The following GRIN2A variants were observed in gnomAD, a reference collection of about 807,000 sequenced individuals.
The protein encoded by GRIN2A is glutamate receptor ionotropic, NMDA 2A.
In GRIN2A, 22 loss-of-function variants were observed where a neutral mutation model predicts 113.4. The ratio of observed to expected loss-of-function variants is 0.19; its 90% CI spans 0.14 to 0.28. The LOEUF is 0.28. Ranked by LOEUF, GRIN2A falls within the 10% of genes least tolerant of loss-of-function variation. GRIN2A has a pLI of 1.00. For synonymous variants in GRIN2A, 827 were observed against 738.4 expected (o/e 1.12, Z -1.94); for missense variants, 1,502 against 1,887.0 (o/e 0.80, Z 3.78).
chr16:10,089,417 C>T (rs2048143471), intron 2 of GRIN2A, among the ~76,000 whole-genome samples: 1 of 152,034 alleles, frequency 6.6e-6, no homozygotes. Context: ...AAAATAAGCA[C>T]AACAATGAAT....
At position 10,118,870 on chromosome 16, in the gene GRIN2A, C is replaced by T. The variant is rs1407849075; in HGVS notation, c.414+61128G>A. Among the ~76,000 whole-genome samples, 3 of 152,166 alleles carry T rather than the reference C, an allele frequency of 2.0e-5. No homozygotes were observed. In the East Asian group the frequency reaches 5.8e-4, roughly 29 times the overall value. On this transcript the variant is annotated intron_variant, in intron 2 of 12. Transcript: ENST00000330684. ...GGAAATCATCAGTAGTCCAATTGTC[C>T]TTTCTAATGGAAGATCAGCATAAAC...
At chr16:9,818,809 T>C (rs1035510077) in intron 10 of GRIN2A, among the ~76,000 whole-genome samples, 1 of 152,206 alleles carries the variant, frequency 6.6e-6, no homozygotes, top group African/African-American at 2.4e-5. Flanking sequence ...GGGGTAAGTA[T>C]GAATTTCCTT....
At chr16:9,847,779 G>A (rs180693691) in intron 5 of GRIN2A, among the ~76,000 whole-genome samples, 1,704 of 147,840 alleles carry the variant, frequency 0.012, 15 homozygotes, top group Admixed American at 0.017. Context: ...AAAAACATAC[G>A]TTTTATACAT....
chr16:9,828,325 C>A (rs1042032443), intron 9 of GRIN2A, among the ~76,000 whole-genome samples: 3 of 152,132 alleles, frequency 2.0e-5, no homozygotes, highest in Non-Finnish European at 4.4e-5. Context: ...CACTCTCATG[C>A]CTTTGTGGAA....
chr16:10,130,354 G>A (rs1002499337), intron 2 of GRIN2A, among the ~76,000 whole-genome samples: 1 of 152,224 alleles, frequency 6.6e-6, no homozygotes, highest in African/African-American at 2.4e-5. Flanking sequence ...CCACTCTTGT[G>A]AAGGCTACTT....
intron 10 of GRIN2A, among the ~76,000 whole-genome samples, chr16:9,806,356 A>G (rs757859827): frequency 6.6e-6 from 1 of 152,226 alleles, no homozygotes; most frequent in Non-Finnish European, 1.5e-5. Flanking sequence ...TGAGTCATCT[A>G]TGGATTTTTA....
intron 2 of GRIN2A, among the ~76,000 whole-genome samples, chr16:10,086,605 CAAAA>C (rs3033377): frequency 0.053 from 5,278 of 99,606 alleles, 330 homozygotes; most frequent in African/African-American, 0.2. Context: ...GGAGCAGCTC[CAAAA>C]AAAAAAAAAA....
At position 9,822,289 on chromosome 16, in the gene GRIN2A, C is replaced by A. The variant is rs2141294661; in HGVS notation, c.2143G>T (p.Asp715Tyr). 6.2e-7 allele frequency: 1 copy of A among 1,613,634 alleles called. No homozygotes were observed. Among genetic ancestry groups the A allele is most frequent in the Non-Finnish European group, 8.5e-7 (1 of 1,179,604 alleles). The stretch of plus-strand genomic sequence containing the variant: ...CCCGTTTTCAGGCTGACCAAGGCGT[C>A]CTCTACTCCTTTCTGATTAAATTTG... Reference protein sequence around the residue: ...MTKFNQKGVEDALVSLKTGKL... With the variant: ...MTKFNQKGVEYALVSLKTGKL... Residue 715 changes from aspartate (D) to tyrosine (Y), a missense_variant, in exon 10 of 13, where the codon GAC becomes TAC. Coordinates refer to ENST00000330684, the MANE Select transcript of GRIN2A (RefSeq NM_001134407.3).
chr16:9,948,366 T>C (rs1224201467), intron 2 of GRIN2A, among the ~76,000 whole-genome samples: 1 of 152,174 alleles, frequency 6.6e-6, no homozygotes, highest in African/African-American at 2.4e-5. Flanking sequence ...GGCTGGGGCA[T>C]TGCAAGCAAG....
Position 10,126,798 on chromosome 16 carries a change from C to T in GRIN2A, c.414+53200G>A, listed in dbSNP as rs192862803. On this transcript the variant is annotated intron_variant, in intron 2 of 12. Coordinates refer to ENST00000330684, the MANE Select transcript of GRIN2A (RefSeq NM_001134407.3). ...TGTCTTTGAAATATGGTTTCTAGAA[C>T]GTCTGTGAGTCACCTGCTCACATGT... 7.7e-4 allele frequency among the ~76,000 whole-genome samples: 117 copies of T among 152,276 alleles called. 1 individual carries two copies. The highest frequency in any genetic ancestry group is 2.1e-4 in the South Asian group (1 of 4,822).
intron 2 of GRIN2A, among the ~76,000 whole-genome samples, chr16:10,141,108 C>T (rs577839952): frequency 6.6e-6 from 1 of 150,904 alleles, no homozygotes; most frequent in African/African-American, 2.4e-5. Context: ...GTGGGAGGAT[C>T]GCTTGAACCC....
intron 2 of GRIN2A, among the ~76,000 whole-genome samples, chr16:10,081,375 T>G (rs1204515304): frequency 1.3e-5 from 2 of 152,200 alleles, no homozygotes; most frequent in Admixed American, 1.3e-4. Flanking sequence ...TCCTTACATA[T>G]GCCCCCAGAA....
rs906477123 is a variant in GRIN2A, at chr16:10,096,986, G to A, written c.414+83012C>T. Among the ~76,000 whole-genome samples the A allele has an allele frequency of 3.3e-5, 5 of 152,170 alleles. No individual in the cohort carries two copies. The East Asian group carries it at 9.6e-4, about 29-fold the overall frequency. ...GGGTGTTAGCTGTGATAATTTTTAG[G>A]TGGTACAAGGAGACTGAATTAAATA... On this transcript the variant is annotated intron_variant, in intron 2 of 12. Coordinates refer to ENST00000330684, the MANE Select transcript of GRIN2A (RefSeq NM_001134407.3).
At chr16:9,896,923 A>G (rs1003935223) in intron 3 of GRIN2A, among the ~76,000 whole-genome samples, 7 of 152,238 alleles carry the variant, frequency 4.6e-5, no homozygotes, top group Non-Finnish European at 1.0e-4. Flanking sequence ...TGTATTAAAC[A>G]GTAAAATCTT....
Position 9,764,812 on chromosome 16 carries a change from T to C in GRIN2A, c.2732A>G (p.Asn911Ser). 1 of 1,614,038 alleles carries C rather than the reference T, an allele frequency of 6.2e-7. No individual in the cohort carries two copies. The highest frequency in any genetic ancestry group is 2.2e-5 in the East Asian group (1 of 44,868). ...AKNISSMSNM[N>S]SSRMDSPKRA... ...TTTGGGTGAGTCCATTCTTGAGGAG[T>C]TCATGTTGGACATGCTGGAAATGTT... Residue 911 changes from asparagine to serine, a missense_variant, in exon 13 of 13, where the codon AAC becomes AGC. Asn to Ser is a conservative substitution (Grantham distance 46). Around this residue, in one of 7 missense-constraint regions of GRIN2A, gnomAD observed 832 missense variants for 789.7 expected, o/e 1.05. Transcript: ENST00000330684.
intron 2 of GRIN2A, among the ~76,000 whole-genome samples, chr16:9,945,912 G>C (rs912491035): frequency 1.3e-5 from 2 of 152,072 alleles, no homozygotes; most frequent in Admixed American, 1.3e-4. Context: ...ATGTTTTCCT[G>C]GGAATTTCAG....
intron 12 of GRIN2A, among the ~76,000 whole-genome samples, chr16:9,767,572 A>G (rs1900996581): frequency 6.6e-6 from 1 of 151,686 alleles, no homozygotes; most frequent in Non-Finnish European, 1.5e-5. Context: ...CAAGGCAAAA[A>G]AACAAACAAA....
rs2141127684 is a variant in GRIN2A, at chr16:9,763,546, G to C, written c.3998C>G (p.Ser1333Ter). The part of the protein sequence containing the change: ...NFYGSLFSVP[S>*]SKLSGKKSSL... The stretch of plus-strand genomic sequence containing the variant: ...GCTTTTTTTCCCCGAGAGTTTGCTT[G>C]AGGGGACACTAAACAGGCTGCCGTA... The change falls in exon 13 of 13, where the codon TCA (serine) becomes TGA (stop). Residue 1333 changes from serine (S) to a stop codon, truncating the protein, a stop_gained. Coordinates refer to ENST00000330684, the MANE Select transcript of GRIN2A (RefSeq NM_001134407.3). LOFTEE classifies it high-confidence loss of function. 1 of 1,613,982 alleles carries C rather than the reference G, an allele frequency of 6.2e-7. No individual in the cohort carries two copies. Among genetic ancestry groups the C allele is most frequent in the Non-Finnish European group, 8.5e-7 (1 of 1,179,954 alleles).
chr16:10,164,985 A>G (rs1213031148), intron 2 of GRIN2A, among the ~76,000 whole-genome samples: 2 of 152,216 alleles, frequency 1.3e-5, no homozygotes, highest in African/African-American at 2.4e-5. Flanking sequence ...CAGTGATTCA[A>G]TCTTTCTGGG....
Sources: allele counts gnomAD v4.1 joint callset (sites outside exome capture counted in the v4.1 genomes callset), GRCh38; gene constraint gnomAD v4.1.1; regional missense constraint gnomAD v4.1.1; transcripts MANE v1.5; gene names NCBI Gene and HGNC (gene_info 2026-07-23, HGNC 2026-07-21).